The following ARHGEF1 variants were observed in gnomAD, a reference collection of about 807,000 sequenced individuals.
ARHGEF1 encodes Rho guanine nucleotide exchange factor 1, also known as 115 kDa guanine nucleotide exchange factor.
A neutral mutation model predicts 119.7 loss-of-function variants in ARHGEF1; 40 were observed. That is an observed-to-expected ratio of 0.33 (90% CI 0.26 to 0.44). The LOEUF (loss-of-function observed/expected upper bound fraction) is 0.44, where lower values mean the gene tolerates loss of function less well. Ranked by LOEUF, ARHGEF1 falls within the 20% of genes least tolerant of loss-of-function variation. The pLI is 1.00. For synonymous variants in ARHGEF1, 494 were observed against 521.0 expected (o/e 0.95, Z 0.71); for missense variants, 976 against 1,268.3 (o/e 0.77, Z 3.50).
In ARHGEF1 at chr19:41,906,215, T is replaced by G. The variant is rs2145869969; in HGVS notation, c.2491+190T>G. On this transcript the variant is annotated intron_variant, in intron 26 of 28. Coordinates refer to ENST00000354532, the MANE Select transcript of ARHGEF1 (RefSeq NM_004706.4). The surrounding 1 kb of genome is among the most constrained non-coding windows in gnomAD (Gnocchi z 4.5). The stretch of plus-strand genomic sequence containing the variant: ...TCTTCTGCAGCCACCATCCCTTGCT[T>G]GATTCTATATTTAGCCTCTTCCTGA... 1 of 666,920 alleles carries G rather than the reference T, an allele frequency of 1.5e-6. No individual in the cohort carries two copies. The highest frequency in any genetic ancestry group is 2.7e-5 in the East Asian group (1 of 36,830). The allele number at this position is 666,920 out of a possible 1,614,324, so 41.3% of individuals were successfully genotyped here.
intron 8 of ARHGEF1, among the ~76,000 whole-genome samples, chr19:41,893,933 C>A (rs2074427166): frequency 9.8e-6 from 1 of 101,592 alleles, no homozygotes; most frequent in Admixed American, 1.0e-4. Context: ...GAGGAGGGGG[C>A]TGGGGGCCTG....
chr19:41,891,475 G>A (rs782001220), intron 4 of ARHGEF1, among the ~76,000 whole-genome samples: 2 of 152,048 alleles, frequency 1.3e-5, no homozygotes, highest in Non-Finnish European at 2.9e-5. Flanking sequence ...GTAGAGACAG[G>A]GTTTCGCCAT....
chr19:41,892,190 C>A lies in ARHGEF1; in HGVS notation c.324+67C>A. On this transcript the variant is annotated intron_variant, in intron 5 of 28. Coordinates refer to ENST00000354532, the MANE Select transcript of ARHGEF1 (RefSeq NM_004706.4). The surrounding 1 kb of genome is among the most constrained non-coding windows in gnomAD (Gnocchi z 6.3). The stretch of plus-strand genomic sequence containing the variant: ...TGGGCCTGCAGAGTCACCATGCGGT[C>A]CCCAGCCTCTGCCCTGAGGGCAGCT... 1 of 1,562,206 alleles carries A rather than the reference C, an allele frequency of 6.4e-7. No homozygotes were observed. Among genetic ancestry groups the A allele is most frequent in the Non-Finnish European group, 8.8e-7 (1 of 1,138,514 alleles).
At chr19:41,910,532 C>G (rs1354065342), downstream of ARHGEF1, among the ~76,000 whole-genome samples, 1 of 152,132 alleles carries the variant, frequency 6.6e-6, no homozygotes, top group Non-Finnish European at 1.5e-5. This position sits in a 1 kb window ranked among gnomAD's most constrained non-coding sequence, Gnocchi z 4.4. Context: ...TGTCTCTGTT[C>G]CCCATTCCCT....
Position 41,917,668 on chromosome 19 carries a change from CCT to C in ARHGEF1, c.1866-5423_1866-5422del, listed in dbSNP as rs2074810316. Among the ~76,000 whole-genome samples the C allele has an allele frequency of 1.3e-5, 2 of 151,854 alleles. No homozygotes were observed. The highest frequency in any genetic ancestry group is 4.8e-5 in the African/African-American group (2 of 41,270). On this transcript the variant is annotated intron_variant, in intron 18 of 20. Coordinates refer to the ARHGEF1 transcript ENST00000599589. The surrounding 1 kb of genome is among the most constrained non-coding windows in gnomAD (Gnocchi z 4.8). ...CACACGCACGCACGCACACACACAC[CCT>C]GACTGCACCCACCCATGGCCACACG...
In ARHGEF1 at chr19:41,907,287, C is replaced by G; in HGVS notation, c.*200C>G. 6.5e-7 allele frequency: 1 copy of G among 1,531,354 alleles called. No homozygotes were observed. The highest frequency in any genetic ancestry group is 8.7e-7 in the Non-Finnish European group (1 of 1,144,424). 94.9% of individuals were successfully genotyped at this position (1,531,354 alleles called of 1,614,324 possible). A position where few individuals can be genotyped will look rare whatever the true frequency, so the allele number is the denominator to read the frequency against. On this transcript the variant is annotated 3_prime_UTR_variant, in exon 29 of 29. Transcript: ENST00000354532. ...CTCGGCCATCTCTCCCTCCTGCCCT[C>G]TGCTTGGGGGACTCAGGGCTCCATT...
chr19:41,895,394 C>T lies in ARHGEF1; in HGVS notation c.923C>T (p.Pro308Leu). ...GACCGGAAGGGAGGCGTGGGGATGCCCTCTCGGGACCGGAATATCGGGGCT... is the reference window on the plus strand; with the variant it reads ...GACCGGAAGGGAGGCGTGGGGATGCTCTCTCGGGACCGGAATATCGGGGCT... ...ATDRKGGVGMPSRDRNIGAPG... is the reference protein window; with the variant it reads ...ATDRKGGVGMLSRDRNIGAPG... Residue 308 changes from proline to leucine, a missense_variant, in exon 12 of 29, where the codon CCC becomes CTC. Pro to Leu is a moderately conservative substitution (Grantham distance 98, BLOSUM62 -3). Coordinates refer to ENST00000354532, the MANE Select transcript of ARHGEF1 (RefSeq NM_004706.4). The T allele has an allele frequency of 6.2e-7, 1 of 1,612,670 alleles. No individual in the cohort carries two copies. The highest frequency in any genetic ancestry group is 1.7e-5 in the Admixed American group (1 of 59,986).
chr19:41,895,393 C>G lies in ARHGEF1; in HGVS notation c.922C>G (p.Pro308Ala). The G allele has an allele frequency of 1.2e-6, 2 of 1,612,590 alleles. No individual in the cohort carries two copies. Among genetic ancestry groups the G allele is most frequent in the Non-Finnish European group, 1.7e-6 (2 of 1,179,498 alleles). Residue 308 changes from proline to alanine, a missense_variant, in exon 12 of 29, where the codon CCC (proline) becomes GCC (alanine). Pro to Ala is a conservative substitution (Grantham distance 27). Transcript: ENST00000354532. ...ATDRKGGVGMPSRDRNIGAPG... is the reference protein window; with the variant it reads ...ATDRKGGVGMASRDRNIGAPG... ...AGACCGGAAGGGAGGCGTGGGGATG[C>G]CCTCTCGGGACCGGAATATCGGGGC...
At chr19:41,929,171 A>G (rs2074890763) in intron 2 of ARHGEF1, among the ~76,000 whole-genome samples, 1 of 151,938 alleles carries the variant, frequency 6.6e-6, no homozygotes, top group Non-Finnish European at 1.5e-5. Context: ...GCACAAACAC[A>G]GCCTGCACAC....
intron 11 of ARHGEF1, among the ~76,000 whole-genome samples, chr19:41,894,930 GGA>G: frequency 9.1e-6 from 1 of 110,304 alleles, no homozygotes; most frequent in East Asian, 3.0e-4. Flanking sequence ...AGGGGCTGGG[GGA>G]GCTCCTGGGT....
chr19:41,891,683 G>A (rs1443116606), intron 4 of ARHGEF1, among the ~76,000 whole-genome samples: 2 of 152,230 alleles, frequency 1.3e-5, no homozygotes, highest in African/African-American at 2.4e-5. Flanking sequence ...GTTAATGCAT[G>A]TAGAGGGTGT....
At chr19:41,898,609 C>T in intron 14 of ARHGEF1, 22 bp downstream of exon 14, 1 of 1,577,388 alleles carries the variant, frequency 6.3e-7, no homozygotes, top group Non-Finnish European at 8.6e-7. Flanking sequence ...CCCCATCACC[C>T]CACTGTGGCC....
intron 28 of ARHGEF1, 64 bp from the exon 29 acceptor site, chr19:41,907,041 G>T: frequency 7.2e-7 from 1 of 1,395,482 alleles, no homozygotes; most frequent in Non-Finnish European, 9.4e-7. Flanking sequence ...TTGTCTCTGT[G>T]TCTGTCTCTC....
intron 18 of ARHGEF1, among the ~76,000 whole-genome samples, chr19:41,913,180 C>T (rs1335446003): frequency 1.3e-5 from 2 of 151,914 alleles, no homozygotes; most frequent in Non-Finnish European, 2.9e-5. Context: ...TCACTCGGTG[C>T]CTCCATCACT....
chr19:41,884,788 C>G (rs1391217783), intron 1 of ARHGEF1, among the ~76,000 whole-genome samples: 1 of 152,134 alleles, frequency 6.6e-6, no homozygotes, highest in Non-Finnish European at 1.5e-5. Flanking sequence ...GGTCTCGGGA[C>G]CCACCACGCA....
At chr19:41,899,869 TA>T (rs1435273193) in intron 14 of ARHGEF1, among the ~76,000 whole-genome samples, 3 of 151,600 alleles carry the variant, frequency 2.0e-5, no homozygotes, top group Non-Finnish European at 4.4e-5. Context: ...TCAAAAATTT[TA>T]GGGGAGTAGT....
downstream of ARHGEF1, chr19:41,909,969 C>T (rs1555851110): frequency 6.2e-7 from 1 of 1,613,802 alleles, no homozygotes; most frequent in African/African-American, 1.3e-5. The surrounding 1 kb of genome is among the most constrained non-coding windows in gnomAD (Gnocchi z 5.2). Flanking sequence ...TCCCCGTAGT[C>T]CCCCTGCCAG....
At position 41,906,485 on chromosome 19, in the gene ARHGEF1, G is replaced by A. The variant is rs782619422; in HGVS notation, c.2520G>A (p.Pro840=). 6.3e-6 allele frequency: 10 copies of A among 1,576,880 alleles called. No homozygotes were observed. Among genetic ancestry groups the A allele is most frequent in the Admixed American group, 4.2e-5 (2 of 47,278 alleles). Residue 840 remains proline (P), a synonymous_variant, in exon 27 of 29, where the codon CCG becomes CCA. Transcript: ENST00000354532. The surrounding 1 kb of genome is among the most constrained non-coding windows in gnomAD (Gnocchi z 4.5). The part of the protein sequence containing the change: ...KVLSLKQLLF[P]AEEDNGAGPP... ...TGTCCCTGAAGCAGCTTCTGTTTCC[G>A]GCGGAGGAAGACAATGGGGCGGGGC...
chr19:41,920,736 C>G (rs2074837190), upstream of ARHGEF1, among the ~76,000 whole-genome samples: 1 of 152,236 alleles, frequency 6.6e-6, no homozygotes, highest in Non-Finnish European at 1.5e-5. Flanking sequence ...CGGTCTTCTG[C>G]CTCGACTGCA....
Sources: gnomAD v4.1 joint callset for allele counts (sites outside exome capture counted in the v4.1 genomes callset) on GRCh38, gnomAD v4.1.1 for gene constraint, Gnocchi (gnomAD v3.1) non-coding constraint, MANE v1.5 for transcripts, NCBI Gene and HGNC (gene_info 2026-07-23, HGNC 2026-07-21) for gene names.